The following SLC38A1 variants were observed in gnomAD, a reference collection of about 807,000 sequenced individuals.
The protein encoded by SLC38A1 is sodium-coupled neutral amino acid symporter 1.
Under a neutral mutation model 60.3 loss-of-function variants are expected in SLC38A1, and 18 were observed. The observed-to-expected ratio is 0.30, with a 90% CI of 0.21 to 0.44. The LOEUF (loss-of-function observed/expected upper bound fraction) is 0.44, where lower values mean the gene tolerates loss of function less well. Ranked by LOEUF, SLC38A1 falls within the 20% of genes least tolerant of loss-of-function variation. The probability of loss-of-function intolerance (pLI) is 1.00; values close to 1 mark genes in which losing one functional copy is unlikely to be tolerated. For missense variants in SLC38A1, 448 were observed against 587.2 expected (o/e 0.76, Z 2.45); for synonymous variants, 196 against 212.1 (o/e 0.92, Z 0.66).
intron 2 of SLC38A1, among the ~76,000 whole-genome samples, chr12:46,240,351 C>G (rs1167892275): frequency 6.6e-6 from 1 of 152,180 alleles, no homozygotes; most frequent in Non-Finnish European, 1.5e-5. Flanking sequence ...CATGCGCCAC[C>G]ACGCCTGGCA....
chr12:46,193,020 T>C (rs1361932746), intron 16 of SLC38A1, among the ~76,000 whole-genome samples: 4 of 152,230 alleles, frequency 2.6e-5, no homozygotes, highest in Non-Finnish European at 5.9e-5. Context: ...TTAATTGTGA[T>C]GTAGGGGTGT....
chr12:46,189,129 C>T, intron 16 of SLC38A1, 58 bp from the exon 17 acceptor site: 1 of 1,315,450 alleles, frequency 7.6e-7, no homozygotes, highest in Non-Finnish European at 1.1e-6. Context: ...TCCACATGTA[C>T]CTGGGGAAAA....
In SLC38A1 at chr12:46,229,249, A is replaced by G. The variant is rs1940978462; in HGVS notation, c.218T>C (p.Leu73Ser). Residue 73 changes from leucine to serine, a missense_variant, in exon 5 of 17, where the codon TTA becomes TCA. Leu to Ser is a moderately radical substitution (Grantham distance 145, BLOSUM62 -2). Around this residue, in one of 2 missense-constraint regions of SLC38A1, gnomAD observed 102 missense variants for 89.7 expected, o/e 1.14. Coordinates refer to ENST00000398637, the MANE Select transcript of SLC38A1 (RefSeq NM_030674.4). ...CDEYIPGTTS[L>S]GMSVFNLSNA... ...GCTTAGGTTAAAAACAGACATGCCT[A>G]AGGAGGTTGTACCTGGAATCTGAAC... The G allele has an allele frequency of 1.2e-6, 2 of 1,612,216 alleles. No individual in the cohort carries two copies. The highest frequency in any genetic ancestry group is 1.7e-6 in the Non-Finnish European group (2 of 1,178,574).
intron 5 of SLC38A1, among the ~76,000 whole-genome samples, chr12:46,219,941 G>T (rs1178762578): frequency 6.6e-6 from 1 of 152,180 alleles, no homozygotes. Flanking sequence ...ACACTCTAGC[G>T]CATGTGCGCG....
chr12:46,199,183 G>T (rs780813874), intron 13 of SLC38A1, among the ~76,000 whole-genome samples: 24 of 151,902 alleles, frequency 1.6e-4, no homozygotes, highest in Non-Finnish European at 3.2e-4. Context: ...CTCTTCTCTT[G>T]TTAAGTCAAC....
intron 1 of SLC38A1, among the ~76,000 whole-genome samples, chr12:46,249,138 A>G (rs952273160): frequency 3.1e-5 from 4 of 128,880 alleles, no homozygotes; most frequent in South Asian, 2.7e-4. Context: ...ACAGGGTGAT[A>G]GAGTGAGACT....
Position 46,188,875 on chromosome 12 carries a change from C to A in SLC38A1, c.*95G>T. 9.7e-7 allele frequency: 1 copy of A among 1,033,528 alleles called. No homozygotes were observed. The highest frequency in any genetic ancestry group is 1.3e-5 in the South Asian group (1 of 74,936). 64.0% of individuals were successfully genotyped at this position (1,033,528 alleles called of 1,614,324 possible). On this transcript the variant is annotated 3_prime_UTR_variant, in exon 17 of 17. Transcript: ENST00000398637. The stretch of plus-strand genomic sequence containing the variant: ...TAAGTATCCTGTACATTTCTGTTTG[C>A]TTCTGTAAACTTGCAAAAGAAGTGG...
At position 46,188,874 on chromosome 12, in the gene SLC38A1, G is replaced by T; in HGVS notation, c.*96C>A. 1 of 1,013,296 alleles carries T rather than the reference G, an allele frequency of 9.9e-7. No individual in the cohort carries two copies. The highest frequency in any genetic ancestry group is 1.5e-6 in the Non-Finnish European group (1 of 657,158). The allele number at this position is 1,013,296 out of a possible 1,614,324, so 62.8% of individuals were successfully genotyped here. ...TTAAGTATCCTGTACATTTCTGTTT[G>T]CTTCTGTAAACTTGCAAAAGAAGTG... On this transcript the variant is annotated 3_prime_UTR_variant, in exon 17 of 17. Coordinates refer to ENST00000398637, the MANE Select transcript of SLC38A1 (RefSeq NM_030674.4).
intron 5 of SLC38A1, among the ~76,000 whole-genome samples, chr12:46,210,775 G>A (rs77036366): frequency 5.3e-5 from 8 of 152,060 alleles, no homozygotes; most frequent in African/African-American, 1.4e-4. Context: ...TGTGTTGTTC[G>A]CCTTCCGCCA....
intron 13 of SLC38A1, among the ~76,000 whole-genome samples, chr12:46,200,584 T>C (rs1281688949): frequency 6.6e-6 from 1 of 152,162 alleles, no homozygotes; most frequent in Non-Finnish European, 1.5e-5. Flanking sequence ...TGAAAACTTG[T>C]TCCCTTTTTC....
At chr12:46,199,103 C>T (rs1057346265) in intron 13 of SLC38A1, among the ~76,000 whole-genome samples, 5 of 151,934 alleles carry the variant, frequency 3.3e-5, no homozygotes, top group African/African-American at 7.3e-5. Context: ...CCACACCAAA[C>T]TGCCACAGGC....
rs1194125321 is a variant in SLC38A1, at chr12:46,229,197, C to T, written c.270G>A (p.Leu90=). The T allele has an allele frequency of 5.0e-6, 8 of 1,613,696 alleles. No homozygotes were observed. In the South Asian group the frequency reaches 7.7e-5, roughly 16 times the overall value. ...LSNAIMGSGI[L]GLAFALANTG... is the part of the protein sequence containing the mutation. ...TGTTTGCCAGGGCAAAGGCGAGTCC[C>T]AAAATCCCACTGCCCATAATGGCGT... Residue 90 remains leucine (L), a synonymous_variant, in exon 5 of 17, where the codon TTG becomes TTA. Transcript: ENST00000398637.
At chr12:46,215,212 C>T (rs964068891) in intron 5 of SLC38A1, among the ~76,000 whole-genome samples, 12 of 152,176 alleles carry the variant, frequency 7.9e-5, no homozygotes, top group African/African-American at 2.4e-4. Context: ...GTGCATCACC[C>T]GCCACACTGT....
rs943960387 is a variant in SLC38A1 at position 46,184,751 on chromosome 12, C to G, written c.*4219G>C. Reference sequence around the variant, plus strand: ...TTCTGACACAAATTCAGTATTTCTTCTAAGTCTGCATTTACAAAGGGTCTT... The same window carrying G: ...TTCTGACACAAATTCAGTATTTCTTGTAAGTCTGCATTTACAAAGGGTCTT... On this transcript the variant is annotated 3_prime_UTR_variant, in exon 17 of 17. Coordinates refer to ENST00000398637, the MANE Select transcript of SLC38A1 (RefSeq NM_030674.4). 6.6e-5 allele frequency: 10 copies of G among 152,208 alleles called. No individual in the cohort carries two copies. Among genetic ancestry groups the G allele is most frequent in the African/African-American group, 2.2e-4 (9 of 41,450 alleles). 9.4% of individuals were successfully genotyped at this position (152,208 alleles called of 1,614,324 possible). A position where few individuals can be genotyped will look rare whatever the true frequency, so the allele number is the denominator to read the frequency against.
In SLC38A1 at chr12:46,241,948, CA is replaced by C. The variant is rs111878059; in HGVS notation, c.-94+1251del. Among the ~76,000 whole-genome samples, 286 of 152,170 alleles carry C rather than the reference CA, an allele frequency of 1.9e-3. 1 individual carries two copies. Among genetic ancestry groups the C allele is most frequent in the African/African-American group, 6.3e-3 (263 of 41,516 alleles). ...AAATGGAAGGAAATAGGGCACCAGACAAAAAATTTTCTGCGGTAAGAAAGGA... is the reference window on the plus strand; with the variant it reads ...AAATGGAAGGAAATAGGGCACCAGACAAAAATTTTCTGCGGTAAGAAAGGA... On this transcript the variant is annotated intron_variant, in intron 2 of 16. Transcript: ENST00000398637.
intron 5 of SLC38A1, among the ~76,000 whole-genome samples, chr12:46,219,885 A>T (rs1317937320): frequency 6.6e-6 from 1 of 152,228 alleles, no homozygotes; most frequent in Non-Finnish European, 1.5e-5. Context: ...GGACCAAGGC[A>T]CCTGAGGCAA....
chr12:46,243,451 A>G (rs1436860207), intron 1 of SLC38A1, 137 bp from the exon 2 acceptor site: 2 of 152,200 alleles, frequency 1.3e-5, no homozygotes, highest in Non-Finnish European at 2.9e-5. Context: ...TATGTCAGTA[A>G]GCACAGGTCT....
intron 16 of SLC38A1, 42 bp downstream of exon 16, chr12:46,197,678 A>G: frequency 7.8e-7 from 1 of 1,286,816 alleles, no homozygotes; most frequent in South Asian, 1.3e-5. Flanking sequence ...ATTTAAATGG[A>G]AAACTAATCA....
At position 46,185,956 on chromosome 12, in the gene SLC38A1, C is replaced by T. The variant is rs1938924215; in HGVS notation, c.*3014G>A. ...CAGTCCAGATTCTACTAACAGGCAA[C>T]TCTGAACAAACACCCTCCCTGGAAA... On this transcript the variant is annotated 3_prime_UTR_variant, in exon 17 of 17. Coordinates refer to ENST00000398637, the MANE Select transcript of SLC38A1 (RefSeq NM_030674.4). The T allele has an allele frequency of 6.6e-6, 1 of 152,144 alleles. No individual in the cohort carries two copies. Among genetic ancestry groups the T allele is most frequent in the African/African-American group, 2.4e-5 (1 of 41,398 alleles). The allele number at this position is 152,144 out of a possible 1,614,324, so 9.4% of individuals were successfully genotyped here.
Sources: gnomAD v4.1 joint callset for allele counts (sites outside exome capture counted in the v4.1 genomes callset) on GRCh38, gnomAD v4.1.1 for gene constraint, gnomAD v4.1.1 regional missense constraint, MANE v1.5 for transcripts, NCBI Gene and HGNC (gene_info 2026-07-23, HGNC 2026-07-21) for gene names.